Variants in PDE7B observed in about 807,000 individuals in gnomAD.
The protein encoded by PDE7B is 3',5'-cyclic-AMP phosphodiesterase 7B.
A neutral mutation model predicts 56.2 loss-of-function variants in PDE7B; 29 were observed. The ratio of observed to expected loss-of-function variants is 0.52; its 90% CI spans 0.38 to 0.70. The LOEUF is 0.70. Among genes scored for constraint, PDE7B ranks in the 30% least tolerant of loss-of-function variants. The pLI, the probability that PDE7B is intolerant of heterozygous loss-of-function variation, is 0.00. For synonymous variants in PDE7B, 197 were observed against 196.9 expected, an observed-to-expected ratio of 1.00 and a Z score of 0.00; for missense variants, 490 against 565.0, an observed-to-expected ratio of 0.87 and a Z score of 1.35.
At chr6:135,871,647 C>G (rs1775382208) in intron 1 of PDE7B, among the ~76,000 whole-genome samples, 1 of 152,188 alleles carries the variant, frequency 6.6e-6, no homozygotes, top group Non-Finnish European at 1.5e-5. Flanking sequence ...GAAATCTACT[C>G]TTAGCTTTGA....
intron 1 of PDE7B, among the ~76,000 whole-genome samples, chr6:135,937,051 TA>T (rs1774433091): frequency 6.6e-6 from 1 of 152,198 alleles, no homozygotes; most frequent in African/African-American, 2.4e-5. Context: ...TTGACACAAC[TA>T]AAAGTGTTAG....
chr6:136,008,754 A>T (rs1383539617), intron 2 of PDE7B, among the ~76,000 whole-genome samples: 1 of 151,964 alleles, frequency 6.6e-6, no homozygotes, highest in African/African-American at 2.4e-5. Context: ...AGATGAGTAG[A>T]TTGCAAAAAT....
At chr6:136,176,853 A>G (rs1778986097) in intron 9 of PDE7B, among the ~76,000 whole-genome samples, 1 of 152,132 alleles carries the variant, frequency 6.6e-6, no homozygotes, top group Non-Finnish European at 1.5e-5. Context: ...TTTAATCCTC[A>G]CCAATAAAAA....
chr6:135,944,958 G>C (rs1226897567), intron 1 of PDE7B, among the ~76,000 whole-genome samples: 1 of 152,176 alleles, frequency 6.6e-6, no homozygotes, highest in African/African-American at 2.4e-5. Context: ...TTATTTCCTT[G>C]TAGGACTCAG....
At chr6:135,941,235 C>T (rs1041849158) in intron 1 of PDE7B, among the ~76,000 whole-genome samples, 1 of 130,312 alleles carries the variant, frequency 7.7e-6, no homozygotes, top group Non-Finnish European at 1.6e-5. Context: ...TTTTTCAGCT[C>T]AAGAAACTTA....
intron 1 of PDE7B, among the ~76,000 whole-genome samples, chr6:135,894,438 C>T (rs578024986): frequency 1.1e-4 from 17 of 152,186 alleles, no homozygotes; most frequent in South Asian, 4.1e-4. Flanking sequence ...AACACTTTTC[C>T]GTCTCAGGAA....
intron 2 of PDE7B, among the ~76,000 whole-genome samples, chr6:136,057,044 T>G (rs1057476155): frequency 3.9e-5 from 6 of 152,190 alleles, no homozygotes; most frequent in Non-Finnish European, 5.9e-5. Flanking sequence ...GTTTTCTCAT[T>G]TGTAAGATGG....
At chr6:135,999,594 C>T (rs1180646879) in intron 2 of PDE7B, among the ~76,000 whole-genome samples, 5 of 152,110 alleles carry the variant, frequency 3.3e-5, no homozygotes, top group South Asian at 4.2e-4. Context: ...GACATGAACT[C>T]ATTCTTTTTT....
chr6:136,174,937 CAA>C (rs1482595548), intron 9 of PDE7B, among the ~76,000 whole-genome samples: 1 of 151,446 alleles, frequency 6.6e-6, no homozygotes, highest in Non-Finnish European at 1.5e-5. Context: ...AAAACTAGAG[CAA>C]AAGATCAAGT....
chr6:135,998,788 A>T (rs898989139), intron 2 of PDE7B, among the ~76,000 whole-genome samples: 3 of 152,018 alleles, frequency 2.0e-5, no homozygotes, highest in Admixed American at 6.6e-5. Flanking sequence ...AAACAAAAAA[A>T]AAACACTCCT....
chr6:136,081,226 T>C (rs116540309), intron 2 of PDE7B, among the ~76,000 whole-genome samples: 436 of 152,108 alleles, frequency 2.9e-3, no homozygotes, highest in African/African-American at 0.01. Context: ...GGACTGAAAG[T>C]GAACACACAT....
chr6:136,047,763 A>G (rs1776540119), intron 2 of PDE7B, among the ~76,000 whole-genome samples: 1 of 152,200 alleles, frequency 6.6e-6, no homozygotes, highest in East Asian at 1.9e-4. Context: ...TCAGAAAGGG[A>G]AATGAAAAAT....
chr6:136,147,304 G>T, intron 3 of PDE7B, 47 bp from the exon 4 acceptor site: 4 of 1,302,782 alleles, frequency 3.1e-6, no homozygotes, highest in South Asian at 1.5e-5. Context: ...GAGAAAATTG[G>T]CTCTCTTTTA....
intron 2 of PDE7B, among the ~76,000 whole-genome samples, chr6:136,073,626 T>C (rs1777084558): frequency 6.6e-6 from 1 of 152,192 alleles, no homozygotes; most frequent in Non-Finnish European, 1.5e-5. Context: ...AGTGGCCTCA[T>C]CTAACTTAAC....
At chr6:135,905,421 G>C (rs1044498094) in intron 1 of PDE7B, among the ~76,000 whole-genome samples, 4 of 151,734 alleles carry the variant, frequency 2.6e-5, no homozygotes, top group Non-Finnish European at 5.9e-5. Flanking sequence ...GAGCAGGAGG[G>C]AAGTGACAAA....
At chr6:135,923,705 C>T (rs1441440701) in intron 1 of PDE7B, among the ~76,000 whole-genome samples, 8 of 151,970 alleles carry the variant, frequency 5.3e-5, no homozygotes, top group African/African-American at 1.9e-4. Context: ...AATGAGAGAG[C>T]AAATGTCAAA....
intron 3 of PDE7B, among the ~76,000 whole-genome samples, chr6:136,133,828 G>A (rs766273866): frequency 2.6e-5 from 4 of 152,166 alleles, no homozygotes; most frequent in Non-Finnish European, 4.4e-5. Context: ...CCGAAGGACA[G>A]ATGGCATTTC....
intron 9 of PDE7B, 84 bp downstream of exon 9, chr6:136,173,972 C>A: frequency 2.2e-6 from 2 of 929,236 alleles, no homozygotes; most frequent in Non-Finnish European, 3.5e-6. Flanking sequence ...GGACCTTTTG[C>A]GTGAATGGCA....
At chr6:135,872,299 T>C (rs1775397845) in intron 1 of PDE7B, among the ~76,000 whole-genome samples, 1 of 152,208 alleles carries the variant, frequency 6.6e-6, no homozygotes, top group Non-Finnish European at 1.5e-5. Context: ...GCAGGGAGAA[T>C]TCCTGTTTAA....
Sources: allele counts gnomAD v4.1 joint callset (sites outside exome capture counted in the v4.1 genomes callset), GRCh38; gene constraint gnomAD v4.1.1; transcripts MANE v1.5; gene names NCBI Gene and HGNC (gene_info 2026-07-23, HGNC 2026-07-21).